ATF7IP: variants seen among roughly 807,000 people sequenced by gnomAD.
ATF7IP encodes the protein activating transcription factor 7 interacting protein.
In ATF7IP, 23 loss-of-function variants were observed where a neutral mutation model predicts 106.4. The observed-to-expected ratio is 0.22, with a 90% CI of 0.16 to 0.31. ATF7IP has a LOEUF of 0.31. Among genes scored for constraint, ATF7IP ranks in the 10% least tolerant of loss-of-function variants. ATF7IP has a pLI of 1.00. For synonymous variants in ATF7IP, 542 were observed against 539.0 expected (o/e 1.01, Z -0.08); for missense variants, 1,334 against 1,524.3 (o/e 0.88, Z 2.08).
chr12:14,442,592 T>A (rs1942762351), intron 5 of ATF7IP, among the ~76,000 whole-genome samples: 1 of 152,232 alleles, frequency 6.6e-6, no homozygotes, highest in South Asian at 2.1e-4. Flanking sequence ...TCGTTCTTAC[T>A]GCGTATTTCA....
intron 1 of ATF7IP, among the ~76,000 whole-genome samples, chr12:14,409,687 A>T (rs1039371899): frequency 6.6e-6 from 1 of 152,160 alleles, no homozygotes; most frequent in African/African-American, 2.4e-5. Context: ...AGATGAGGAC[A>T]TAAGAGAACA....
At chr12:14,402,065 CT>C (rs540179328) in intron 1 of ATF7IP, among the ~76,000 whole-genome samples, 11 of 137,244 alleles carry the variant, frequency 8.0e-5, no homozygotes, top group South Asian at 4.6e-4. Context: ...GTGGAATTTT[CT>C]TTTTTTTTTC....
At chr12:14,429,406 C>CT (rs1177988176) in intron 2 of ATF7IP, among the ~76,000 whole-genome samples, 3 of 151,854 alleles carry the variant, frequency 2.0e-5, no homozygotes, top group South Asian at 2.1e-4. Flanking sequence ...CCTCCACGTG[C>CT]TTTTTTTTCT....
intron 1 of ATF7IP, among the ~76,000 whole-genome samples, chr12:14,396,537 A>G (rs1438734288): frequency 6.6e-6 from 1 of 152,118 alleles, no homozygotes; most frequent in Non-Finnish European, 1.5e-5. Flanking sequence ...CAAAATGATG[A>G]TAGTAGAAAG....
chr12:14,366,044 A>G (rs963980341), intron 1 of ATF7IP, among the ~76,000 whole-genome samples: 3 of 152,204 alleles, frequency 2.0e-5, no homozygotes, highest in Admixed American at 6.5e-5. Flanking sequence ...CGCAAGCGCA[A>G]TATTCATTTT....
intron 1 of ATF7IP, among the ~76,000 whole-genome samples, chr12:14,378,041 T>C (rs1045022007): frequency 1.3e-5 from 2 of 152,058 alleles, no homozygotes; most frequent in Non-Finnish European, 2.9e-5. Flanking sequence ...CAGTATTTAA[T>C]CATTGGTCTA....
chr12:14,485,807 A>T (rs561538379), intron 13 of ATF7IP, among the ~76,000 whole-genome samples: 1 of 152,212 alleles, frequency 6.6e-6, no homozygotes, highest in African/African-American at 2.4e-5. Context: ...AGCAGCTGCA[A>T]TTAGAGTCAC....
chr12:14,391,219 G>A (rs1939528517), intron 1 of ATF7IP, among the ~76,000 whole-genome samples: 1 of 152,184 alleles, frequency 6.6e-6, no homozygotes, highest in African/African-American at 2.4e-5. Context: ...TGGAAATTGT[G>A]AAAACAGCAC....
At chr12:14,473,006 C>T (rs79716775) in intron 10 of ATF7IP, among the ~76,000 whole-genome samples, 69 of 152,012 alleles carry the variant, frequency 4.5e-4, no homozygotes, top group African/African-American at 1.5e-3. Flanking sequence ...AAAGTGAATC[C>T]GCAAGAGAAA....
Position 14,456,650 on chromosome 12 carries a change from C to G in ATF7IP, c.2069+16C>G, listed in dbSNP as rs1384865696. On this transcript the variant is annotated intron_variant, in intron 7 of 14. Transcript: ENST00000261168. ...TGTCTTACAGGTGAGAATTCATAGT[C>G]TGTCTAGTTTTTAAAAACAGAACAA... is the stretch of plus-strand genomic sequence containing the variant. 1 of 1,568,882 alleles carries G rather than the reference C, an allele frequency of 6.4e-7. No homozygotes were observed. Among genetic ancestry groups the G allele is most frequent in the Non-Finnish European group, 8.8e-7 (1 of 1,142,446 alleles).
intron 13 of ATF7IP, among the ~76,000 whole-genome samples, chr12:14,492,037 A>G (rs1476044977): frequency 3.3e-5 from 5 of 152,164 alleles, no homozygotes; most frequent in Non-Finnish European, 7.3e-5. Context: ...AATGGCTTCC[A>G]TTTGACCTTT....
chr12:14,491,132 T>G (rs1944806785), intron 13 of ATF7IP, among the ~76,000 whole-genome samples: 1 of 152,152 alleles, frequency 6.6e-6, no homozygotes, highest in Non-Finnish European at 1.5e-5. Context: ...TGCTGGGTCC[T>G]ATGGTCCAAG....
chr12:14,477,805 A>G (rs1448537068), intron 11 of ATF7IP, among the ~76,000 whole-genome samples: 1 of 152,202 alleles, frequency 6.6e-6, no homozygotes, highest in African/African-American at 2.4e-5. Flanking sequence ...TCTGAGATGC[A>G]AATATTTATT....
At chr12:14,435,890 G>A (rs1220395657) in intron 3 of ATF7IP, among the ~76,000 whole-genome samples, 1 of 152,192 alleles carries the variant, frequency 6.6e-6, no homozygotes, top group African/African-American at 2.4e-5. Context: ...AGTGTGCATT[G>A]CTTGACCATT....
intron 1 of ATF7IP, among the ~76,000 whole-genome samples, chr12:14,387,277 C>G (rs1939289971): frequency 6.6e-6 from 1 of 151,790 alleles, no homozygotes; most frequent in Non-Finnish European, 1.5e-5. Context: ...GTAAGGTTAT[C>G]CTTGGAGTGA....
intron 5 of ATF7IP, among the ~76,000 whole-genome samples, chr12:14,446,137 G>T (rs74381966): frequency 1.3e-5 from 2 of 151,408 alleles, no homozygotes; most frequent in Admixed American, 1.3e-4. Flanking sequence ...AAGGTAATGG[G>T]TTTTTTGTTT....
At chr12:14,382,093 C>T (rs1939026910) in intron 1 of ATF7IP, among the ~76,000 whole-genome samples, 1 of 152,050 alleles carries the variant, frequency 6.6e-6, no homozygotes, top group Non-Finnish European at 1.5e-5. Flanking sequence ...CCAGTTACTC[C>T]AGAGGCTGAA....
chr12:14,391,179 A>C (rs2136435212), intron 1 of ATF7IP, among the ~76,000 whole-genome samples: 2 of 152,366 alleles, frequency 1.3e-5, no homozygotes, highest in South Asian at 4.1e-4. Flanking sequence ...GATATGTAAC[A>C]GTCTGTTATT....
At position 14,424,793 on chromosome 12, in the gene ATF7IP, C is replaced by T; in HGVS notation, c.878C>T (p.Ser293Phe). The T allele has an allele frequency of 3.1e-6, 5 of 1,614,030 alleles. No homozygotes were observed. Among genetic ancestry groups the T allele is most frequent in the African/African-American group, 1.3e-5 (1 of 74,980 alleles). The change falls in exon 2 of 15, where the codon TCT (serine) becomes TTT (phenylalanine). Residue 293 changes from serine (S) to phenylalanine (F), a missense_variant. By Grantham distance (155) the Ser-to-Phe change is radical. This residue lies in a region of ATF7IP where 438 missense variants were observed against 405.3 expected (regional missense o/e 1.08). Transcript: ENST00000261168. ...TTTGATCGTACCTTTGAACCAAAGT[C>T]TGTACCAGTTTGTGAACCAGTTCCT... ...STFDRTFEPK[S>F]VPVCEPVPEI...
Sources: gnomAD v4.1 joint callset for allele counts (sites outside exome capture counted in the v4.1 genomes callset) on GRCh38, gnomAD v4.1.1 for gene constraint, gnomAD v4.1.1 regional missense constraint, MANE v1.5 for transcripts, NCBI Gene and HGNC (gene_info 2026-07-23, HGNC 2026-07-21) for gene names.